C2orf76: variants seen among roughly 807,000 people sequenced by gnomAD.
The protein encoded by C2orf76 is UPF0538 protein C2orf76.
C2orf76 carries 23 observed loss-of-function variants against 16.9 expected under a neutral mutation model. That is an observed-to-expected ratio of 1.36 (90% confidence interval 0.98 to 1.93). The LOEUF (loss-of-function observed/expected upper bound fraction) is 1.93. C2orf76 is among the 30% of genes most tolerant of loss of function. The pLI is 0.00. For synonymous variants in C2orf76, 48 were observed against 52.3 expected, an observed-to-expected ratio of 0.92 and a Z score of 0.35; for missense variants, 152 against 152.6, an observed-to-expected ratio of 1.00 and a Z score of 0.02.
intron 2 of C2orf76, among the ~76,000 whole-genome samples, chr2:119,324,807 C>A (rs1189720933): frequency 6.6e-6 from 1 of 152,120 alleles, no homozygotes; most frequent in Non-Finnish European, 1.5e-5. Flanking sequence ...AGACATTAGA[C>A]ACACTCCAGT....
intron 2 of C2orf76, among the ~76,000 whole-genome samples, chr2:119,338,062 G>C (rs1679907757): frequency 6.6e-6 from 1 of 152,160 alleles, no homozygotes; most frequent in South Asian, 2.1e-4. Flanking sequence ...GTACGGATTT[G>C]TTTCTATTTC....
intron 1 of C2orf76, among the ~76,000 whole-genome samples, chr2:119,350,226 A>G (rs988459321): frequency 3.3e-5 from 5 of 151,948 alleles, no homozygotes; most frequent in African/African-American, 7.3e-5. Context: ...TGAGATGTGG[A>G]AAAAAAATCA....
At chr2:119,304,192 T>A (rs1005061294) in intron 5 of C2orf76, among the ~76,000 whole-genome samples, 1 of 152,246 alleles carries the variant, frequency 6.6e-6, no homozygotes, top group African/African-American at 2.4e-5. Flanking sequence ...GTGATTCTAA[T>A]CAACCTTCTA....
chr2:119,339,557 C>A (rs1230804818), intron 2 of C2orf76, among the ~76,000 whole-genome samples: 1 of 148,412 alleles, frequency 6.7e-6, no homozygotes, highest in Non-Finnish European at 1.5e-5. Context: ...AACAACAAAC[C>A]TAGATATTAC....
At chr2:119,365,424 C>T (rs1435239702) in intron 1 of C2orf76, among the ~76,000 whole-genome samples, 1 of 152,198 alleles carries the variant, frequency 6.6e-6, no homozygotes, top group Non-Finnish European at 1.5e-5. Context: ...GTTTTCCTTT[C>T]TCAAACAAAA....
rs183148735 is a variant in C2orf76, at chr2:119,329,636, C to A, written c.134-8432G>T. Among the ~76,000 whole-genome samples, 14 of 152,024 alleles carry A rather than the reference C, an allele frequency of 9.2e-5. No homozygotes were observed. The East Asian group carries it at 2.7e-3, about 29-fold the overall frequency. On this transcript the variant is annotated intron_variant, in intron 2 of 5. Transcript: ENST00000334816. ...TCTTTTTTTAGCTCATTAGCTGTAACCCTTAGATTGTGGGGTTGGGAGGCA... is the reference window on the plus strand; with the variant it reads ...TCTTTTTTTAGCTCATTAGCTGTAAACCTTAGATTGTGGGGTTGGGAGGCA...
At chr2:119,367,128 C>T, upstream of C2orf76, 1 of 1,602,924 alleles carries the variant, frequency 6.2e-7, no homozygotes, top group Non-Finnish European at 8.5e-7. Flanking sequence ...GCTCAGCCGG[C>T]TGCCAGAAGC....
At chr2:119,337,246 T>G (rs1461484218) in intron 2 of C2orf76, among the ~76,000 whole-genome samples, 1 of 151,572 alleles carries the variant, frequency 6.6e-6, no homozygotes, top group Non-Finnish European at 1.5e-5. Context: ...GTTTTGTTTT[T>G]TTTTTGGAGA....
At chr2:119,319,612 T>C (rs1423005130) in intron 3 of C2orf76, among the ~76,000 whole-genome samples, 1 of 152,110 alleles carries the variant, frequency 6.6e-6, no homozygotes, top group African/African-American at 2.4e-5. Context: ...CCCTCATGGG[T>C]CATGTCTAGG....
intron 2 of C2orf76, among the ~76,000 whole-genome samples, chr2:119,334,030 T>C (rs1679759182): frequency 6.6e-6 from 1 of 152,026 alleles, no homozygotes; most frequent in South Asian, 2.1e-4. Flanking sequence ...GAGGCTCAAG[T>C]GATTTTCCTA....
intron 1 of C2orf76, among the ~76,000 whole-genome samples, chr2:119,363,424 A>C (rs972452361): frequency 1.4e-5 from 2 of 145,466 alleles, no homozygotes; most frequent in Non-Finnish European, 3.0e-5. Flanking sequence ...ACTCTGTCTC[A>C]AAAAAAAAAA....
the C2orf76 span, among the ~76,000 whole-genome samples, chr2:119,297,060 C>G: frequency 6.6e-6 from 1 of 152,222 alleles, no homozygotes; most frequent in African/African-American, 2.4e-5. Flanking sequence ...CTGCTGCACT[C>G]ACTCTCACAA....
intron 4 of C2orf76, among the ~76,000 whole-genome samples, chr2:119,316,457 G>A (rs1394323043): frequency 1.3e-5 from 2 of 152,210 alleles, no homozygotes; most frequent in East Asian, 3.8e-4. Flanking sequence ...AATTGTAGGA[G>A]AATAAATGTG....
chr2:119,288,158 A>ATTTTTTTTTT, the C2orf76 span, among the ~76,000 whole-genome samples: 1 of 140,250 alleles, frequency 7.1e-6, no homozygotes, highest in African/African-American at 2.7e-5. Flanking sequence ...TTATACTTCA[A>ATTTTTTTTTT]TTTTTTTTTT....
the C2orf76 span, among the ~76,000 whole-genome samples, chr2:119,295,798 T>C: frequency 6.6e-6 from 1 of 152,204 alleles, no homozygotes; most frequent in Non-Finnish European, 1.5e-5. Flanking sequence ...TAAAATCTCA[T>C]GGCCTACGAA....
intron 4 of C2orf76, among the ~76,000 whole-genome samples, chr2:119,312,047 C>T (rs1679009212): frequency 6.6e-6 from 1 of 152,158 alleles, no homozygotes; most frequent in African/African-American, 2.4e-5. Flanking sequence ...GCCCCTTCCT[C>T]ATCACCTGTG....
chr2:119,318,081 T>C (rs935097986), intron 3 of C2orf76, among the ~76,000 whole-genome samples: 8 of 152,174 alleles, frequency 5.3e-5, no homozygotes, highest in African/African-American at 1.4e-4. Context: ...CCATTTCATC[T>C]GCTCTATTCA....
downstream of C2orf76, among the ~76,000 whole-genome samples, chr2:119,297,724 G>A (rs746395178): frequency 2.6e-5 from 4 of 151,552 alleles, no homozygotes; most frequent in Non-Finnish European, 5.9e-5. Flanking sequence ...ACTCAAACTC[G>A]TGAGCTCAAA....
chr2:119,314,014 G>GTTTT (rs368623211), intron 4 of C2orf76, among the ~76,000 whole-genome samples: 2,655 of 86,022 alleles, frequency 0.031, 216 homozygotes, highest in African/African-American at 0.084. Flanking sequence ...TTTCTCAGTG[G>GTTTT]TTTTTTTTTT....
Sources: gnomAD v4.1 joint callset for allele counts (sites outside exome capture counted in the v4.1 genomes callset) on GRCh38, gnomAD v4.1.1 for gene constraint, MANE v1.5 for transcripts, NCBI Gene and HGNC (gene_info 2026-07-23, HGNC 2026-07-21) for gene names.